MYO1D: variants seen among roughly 807,000 people sequenced by gnomAD.
The protein encoded by MYO1D is unconventional myosin-Id.
Under a neutral mutation model 122.0 loss-of-function variants are expected in MYO1D, and 83 were observed. That is an observed-to-expected ratio of 0.68 (90% CI 0.57 to 0.82). The LOEUF (loss-of-function observed/expected upper bound fraction) is 0.82, where lower values mean the gene tolerates loss of function less well. Among genes scored for constraint, MYO1D ranks in the 40% least tolerant of loss-of-function variants. The pLI is 0.00. For synonymous variants in MYO1D, 464 were observed against 446.9 expected (o/e 1.04, Z -0.48); for missense variants, 1,157 against 1,269.5 (o/e 0.91, Z 1.35).
In MYO1D at chr17:32,494,863, G is replaced by A; in HGVS notation, c.2917C>T (p.His973Tyr). The A allele has an allele frequency of 6.2e-7, 1 of 1,614,084 alleles. No homozygotes were observed. Among genetic ancestry groups the A allele is most frequent in the Non-Finnish European group, 8.5e-7 (1 of 1,179,962 alleles). The change falls in exon 22 of 22, where the codon CAC becomes TAC. Residue 973 changes from histidine to tyrosine, a missense_variant. His to Tyr is a moderately conservative substitution (Grantham distance 83, BLOSUM62 2). Coordinates refer to ENST00000318217, the MANE Select transcript of MYO1D (RefSeq NM_015194.3). ...ACGGAGACGGTGCACTTCTTCCCGT[G>A]CAGGCTGCACTGTACTGGGTTGGTG... ...NVTNPVQCSL[H>Y]GKKCTVSVET...
At chr17:32,515,971 C>G (rs2150862789) in intron 21 of MYO1D, among the ~76,000 whole-genome samples, 1 of 152,354 alleles carries the variant, frequency 6.6e-6, no homozygotes, top group Middle Eastern at 3.4e-3. Context: ...GATGGAAAGT[C>G]TACCCCCTGC....
At chr17:32,580,989 C>T (rs888262541) in intron 21 of MYO1D, among the ~76,000 whole-genome samples, 19 of 152,142 alleles carry the variant, frequency 1.2e-4, no homozygotes, top group African/African-American at 3.6e-4. Flanking sequence ...GCATTATCTC[C>T]TTTTCAATTT....
At chr17:32,736,190 T>A (rs2089698880) in intron 14 of MYO1D, among the ~76,000 whole-genome samples, 1 of 152,128 alleles carries the variant, frequency 6.6e-6, no homozygotes, top group Admixed American at 6.5e-5. Context: ...CTGATCTCCA[T>A]ACACACATGG....
intron 4 of MYO1D, among the ~76,000 whole-genome samples, chr17:32,774,386 T>G (rs922665081): frequency 5.3e-5 from 8 of 152,216 alleles, no homozygotes; most frequent in African/African-American, 1.9e-4. Flanking sequence ...CTATTTTGAT[T>G]TTTTTAACCT....
intron 19 of MYO1D, among the ~76,000 whole-genome samples, chr17:32,653,394 A>G (rs2088425207): frequency 6.6e-6 from 1 of 151,498 alleles, no homozygotes. Flanking sequence ...ATCACCTGAG[A>G]TCAGGAGTTC....
At chr17:32,626,854 C>T (rs1037480132) in intron 20 of MYO1D, among the ~76,000 whole-genome samples, 25 of 152,074 alleles carry the variant, frequency 1.6e-4, no homozygotes, top group African/African-American at 5.6e-4. Flanking sequence ...TATTTTAAAA[C>T]GACGTGGCTC....
intron 19 of MYO1D, among the ~76,000 whole-genome samples, chr17:32,645,856 C>A (rs55738643): frequency 0.13 from 19,625 of 152,172 alleles, 1,710 homozygotes; most frequent in Middle Eastern, 0.24. Flanking sequence ...GAACTTCCTC[C>A]TTTAGCTCGG....
chr17:32,643,878 GATTCATTGATTTT>G (rs1376094832), intron 19 of MYO1D, among the ~76,000 whole-genome samples: 3 of 152,064 alleles, frequency 2.0e-5, no homozygotes, highest in Non-Finnish European at 4.4e-5. Flanking sequence ...CCAGCTCCTG[GATTCATTGATTTT>G]TTGAAGGGTT....
intron 16 of MYO1D, among the ~76,000 whole-genome samples, chr17:32,709,460 T>C (rs1314482703): frequency 6.6e-6 from 1 of 152,058 alleles, no homozygotes; most frequent in Non-Finnish European, 1.5e-5. Flanking sequence ...CTCCAGGACT[T>C]GAAGACAGAG....
At chr17:32,544,430 GCTTT>G (rs1208677960) in intron 21 of MYO1D, among the ~76,000 whole-genome samples, 2 of 152,076 alleles carry the variant, frequency 1.3e-5, no homozygotes, top group African/African-American at 2.4e-5. Flanking sequence ...TATGACACTA[GCTTT>G]TCTTTTAAAA....
chr17:32,659,107 GT>G lies in MYO1D; in HGVS notation c.2345+7del, dbSNP rs1567934376. On this transcript the variant is annotated splice_region_variant and intron_variant, in intron 17 of 21. Transcript: ENST00000318217. Reference sequence around the variant, plus strand: ...AAATGGATGCAGCACACAGCAGCACGTTCTTACCTATTGAAAATCGTCTGCA... The same window carrying G: ...AAATGGATGCAGCACACAGCAGCACGTCTTACCTATTGAAAATCGTCTGCA... 2 of 1,611,702 alleles carry G rather than the reference GT, an allele frequency of 1.2e-6. No homozygotes were observed. Among genetic ancestry groups the G allele is most frequent in the Non-Finnish European group, 1.7e-6 (2 of 1,177,874 alleles).
At chr17:32,508,993 A>G (rs957416186) in intron 21 of MYO1D, among the ~76,000 whole-genome samples, 18 of 152,236 alleles carry the variant, frequency 1.2e-4, no homozygotes, top group Non-Finnish European at 2.9e-5. Flanking sequence ...TTTTTATAAA[A>G]TGACATGATT....
chr17:32,679,717 G>C (rs1009704334), intron 16 of MYO1D, among the ~76,000 whole-genome samples: 1 of 152,052 alleles, frequency 6.6e-6, no homozygotes, highest in African/African-American at 2.4e-5. Flanking sequence ...TTGTTCTTTT[G>C]GCTTAGGATT....
chr17:32,813,287 G>A (rs1222177299), intron 1 of MYO1D, among the ~76,000 whole-genome samples: 1 of 152,264 alleles, frequency 6.6e-6, no homozygotes. Flanking sequence ...ACTATGGTCT[G>A]TGTTCCTCCA....
intron 21 of MYO1D, among the ~76,000 whole-genome samples, chr17:32,553,264 T>C (rs547479287): frequency 2.0e-5 from 3 of 152,216 alleles, no homozygotes; most frequent in African/African-American, 7.2e-5. Flanking sequence ...GCATGCTAGC[T>C]AGAGAGATGA....
At chr17:32,599,804 C>T (rs1038281956) in intron 21 of MYO1D, among the ~76,000 whole-genome samples, 3 of 152,174 alleles carry the variant, frequency 2.0e-5, no homozygotes, top group African/African-American at 2.4e-5. Context: ...AGGTATGTGC[C>T]ACCACGCCTG....
intron 16 of MYO1D, among the ~76,000 whole-genome samples, chr17:32,677,585 AT>A (rs2088836507): frequency 8.1e-4 from 7 of 8,630 alleles, no homozygotes; most frequent in Non-Finnish European, 1.2e-3. Context: ...AGATAAATAT[AT>A]ATATATATAT....
intron 21 of MYO1D, among the ~76,000 whole-genome samples, chr17:32,562,790 T>G (rs1345075610): frequency 1.3e-5 from 2 of 152,324 alleles, no homozygotes; most frequent in East Asian, 1.9e-4. Context: ...AAAAGGAGAT[T>G]GTTAGGGAAA....
intron 1 of MYO1D, among the ~76,000 whole-genome samples, chr17:32,851,550 C>A (rs1433004761): frequency 1.3e-5 from 2 of 152,254 alleles, no homozygotes; most frequent in African/African-American, 4.8e-5. Context: ...TCTACCAAGG[C>A]TTCCCATCAC....
Sources: gnomAD v4.1 joint callset for allele counts (sites outside exome capture counted in the v4.1 genomes callset) on GRCh38, gnomAD v4.1.1 for gene constraint, MANE v1.5 for transcripts, NCBI Gene and HGNC (gene_info 2026-07-23, HGNC 2026-07-21) for gene names.